The following MACF1 variants were observed in gnomAD, a reference collection of about 807,000 sequenced individuals.
MACF1 encodes the protein microtubule-actin cross-linking factor 1.
In MACF1, 193 loss-of-function variants were observed where a neutral mutation model predicts 854.8. That is an observed-to-expected ratio of 0.23 (90% CI 0.20 to 0.25). MACF1 has a LOEUF of 0.25. Among genes scored for constraint, MACF1 ranks in the 10% least tolerant of loss-of-function variants. The probability of loss-of-function intolerance (pLI) is 1.00; values close to 1 mark genes in which losing one functional copy is unlikely to be tolerated. For missense variants in MACF1, 7,722 were observed against 8,929.1 expected (o/e 0.86, Z 5.45); for synonymous variants, 3,185 against 3,226.7 (o/e 0.99, Z 0.44).
At chr1:39,337,561 C>CCTT (rs1646835408) in intron 38 of MACF1, among the ~76,000 whole-genome samples, 1 of 46,488 alleles carries the variant, frequency 2.2e-5, no homozygotes, top group Non-Finnish European at 5.0e-5. Context: ...TAATTACTAC[C>CCTT]ATTTTTTTTT....
intron 97 of MACF1, among the ~76,000 whole-genome samples, chr1:39,470,816 C>T (rs981543727): frequency 2.6e-5 from 4 of 152,074 alleles, no homozygotes; most frequent in Admixed American, 6.5e-5. Flanking sequence ...TTTTTCCTGT[C>T]ATGTATGATC....
intron 6 of MACF1, among the ~76,000 whole-genome samples, chr1:39,280,779 T>C (rs1645528250): frequency 6.6e-6 from 1 of 152,008 alleles, no homozygotes; most frequent in Admixed American, 6.5e-5. Flanking sequence ...GGTTTCACCA[T>C]GTCGGCCAGG....
rs533953311 is a variant in MACF1, at chr1:39,471,356, G to C, written c.21958+1741G>C. 1.3e-4 allele frequency among the ~76,000 whole-genome samples: 20 copies of C among 152,274 alleles called. 1 individual carries two copies. In the South Asian group the frequency reaches 1.7e-3, roughly 13 times the overall value. On this transcript the variant is annotated intron_variant, in intron 97 of 100. Transcript: ENST00000564288. ...GTGGCTTCTGGAAACAGTGCTTATGGTAGGTTTTGTACTCATTTATGTTGC... is the reference window on the plus strand; with the variant it reads ...GTGGCTTCTGGAAACAGTGCTTATGCTAGGTTTTGTACTCATTTATGTTGC...
chr1:39,228,797 G>C (rs1644746352), intron 1 of MACF1, among the ~76,000 whole-genome samples: 3 of 152,178 alleles, frequency 2.0e-5, no homozygotes, highest in Non-Finnish European at 4.4e-5. Flanking sequence ...GGGATTGCAG[G>C]CATGCGCCAC....
chr1:39,413,271 C>G (rs1185481701), intron 58 of MACF1: 31 of 1,605,856 alleles, frequency 1.9e-5, no homozygotes, highest in Non-Finnish European at 2.6e-5. Flanking sequence ...AGCCCGCCTC[C>G]CCAGCTGCTG....
intron 20 of MACF1, among the ~76,000 whole-genome samples, chr1:39,297,009 C>T (rs892222631): frequency 1.3e-5 from 2 of 151,772 alleles, no homozygotes; most frequent in African/African-American, 2.4e-5. Context: ...CTGCAAACTC[C>T]GCCTCCCAGG....
intron 2 of MACF1, among the ~76,000 whole-genome samples, chr1:39,235,148 G>A (rs1336761160): frequency 6.6e-6 from 1 of 152,242 alleles, no homozygotes; most frequent in East Asian, 1.9e-4. Flanking sequence ...GGGAGGCCAA[G>A]GCAGGCGGCT....
intron 6 of MACF1, among the ~76,000 whole-genome samples, chr1:39,280,261 A>G (rs768065527): frequency 3.9e-5 from 6 of 152,112 alleles, no homozygotes; most frequent in Non-Finnish European, 8.8e-5. Context: ...TCATTCATAA[A>G]CCAAGTTATT....
At chr1:39,253,507 G>GTTTT (rs1375011240) in intron 4 of MACF1, among the ~76,000 whole-genome samples, 1 of 93,970 alleles carries the variant, frequency 1.1e-5, no homozygotes, top group African/African-American at 3.4e-5. Flanking sequence ...TCAGCTATCT[G>GTTTT]TATTTTTTTT....
intron 2 of MACF1, among the ~76,000 whole-genome samples, chr1:39,248,609 A>G (rs1242043573): frequency 1.3e-5 from 2 of 148,576 alleles, no homozygotes; most frequent in Admixed American, 6.7e-5. Context: ...ACTCAAAATT[A>G]TAGTAACTAA....
In MACF1 at chr1:39,285,705, T is replaced by A. The variant is rs1330173900; in HGVS notation, c.1455T>A (p.Asp485Glu). ...GTCTCATCAGGCAGCTGCAGGTGGA[T>A]CTCCAGATCCTGCGGGATGAGAATT... ...CEGLIRQLQV[D>E]LQILRDENYY... The change falls in exon 14 of 101, where the codon GAT (aspartate) becomes GAA (glutamate). Residue 485 changes from aspartate (D) to glutamate (E), a missense_variant. Asp to Glu is a conservative substitution (Grantham distance 45). Coordinates refer to ENST00000564288, the MANE Select transcript of MACF1 (RefSeq NM_001394062.1). 5.0e-6 allele frequency: 8 copies of A among 1,614,084 alleles called. No homozygotes were observed. The highest frequency in any genetic ancestry group is 5.9e-6 in the Non-Finnish European group (7 of 1,180,006).
At chr1:39,412,830 G>A (rs770679544) in intron 58 of MACF1, 1 of 1,612,362 alleles carries the variant, frequency 6.2e-7, no homozygotes, top group South Asian at 1.1e-5. Flanking sequence ...CCAGCCCAGA[G>A]GAGGGTACCT....
chr1:39,426,909 G>A (rs1643747380), intron 61 of MACF1, among the ~76,000 whole-genome samples: 2 of 152,044 alleles, frequency 1.3e-5, no homozygotes, highest in African/African-American at 4.8e-5. Context: ...AAGCCTGACT[G>A]GATTTTGGGG....
At position 39,461,949 on chromosome 1, in the gene MACF1, A is replaced by G; in HGVS notation, c.21590A>G (p.Tyr7197Cys). ...ADIFDRDGDG[Y>C]IDYYEFVAAL... ...ATTTTCGACCGAGATGGGGATGGTT[A>G]CATTGATTATTATGAATTTGTGGCT... Residue 7197 changes from tyrosine to cysteine, a missense_variant, in exon 93 of 101, where the codon TAC becomes TGC. Physicochemically the swap from Tyr to Cys is radical, Grantham distance 194 (BLOSUM62 -2). This residue lies in a region of MACF1 where 153 missense variants were observed against 342.5 expected (regional missense o/e 0.45). Transcript: ENST00000564288. The G allele has an allele frequency of 6.2e-7, 1 of 1,614,082 alleles. No homozygotes were observed. Among genetic ancestry groups the G allele is most frequent in the South Asian group, 1.1e-5 (1 of 91,060 alleles).
In MACF1 at chr1:39,177,773, C is replaced by T. The variant is rs547330092; in HGVS notation, c.221-53409C>T. ...TTTCCTTTGCCATCTATACCAGAAG[C>T]TGTGGTGAATGGGAAAGCCATTGCT... On this transcript the variant is annotated intron_variant, in intron 2 of 93. Transcript: ENST00000361689. 1.6e-3 allele frequency among the ~76,000 whole-genome samples: 245 copies of T among 152,170 alleles called. 1 individual carries two copies. The highest frequency in any genetic ancestry group is 5.7e-3 in the African/African-American group (236 of 41,548).
rs1196697991 is a variant in MACF1 at position 39,105,770 on chromosome 1, C to T, written c.220+21332C>T. The T allele has an allele frequency of 1.9e-6, 2 of 1,056,056 alleles. No homozygotes were observed. The highest frequency in any genetic ancestry group is 3.4e-5 in the African/African-American group (2 of 58,684). 65.4% of individuals were successfully genotyped at this position (1,056,056 alleles called of 1,614,324 possible). ...GGCCCGCGGGCCGGCGCAGCGTGGC[C>T]TTCGGAGCCGGTCGGCTCGGCGGCT... On this transcript the variant is annotated intron_variant, in intron 2 of 93. Coordinates refer to the MACF1 transcript ENST00000361689. The surrounding 1 kb of genome is among the most constrained non-coding windows in gnomAD (Gnocchi z 5.9).
At chr1:39,206,198 G>T (rs1423856825) in intron 1 of MACF1, among the ~76,000 whole-genome samples, 1 of 152,200 alleles carries the variant, frequency 6.6e-6, no homozygotes, top group African/African-American at 2.4e-5. Flanking sequence ...TAAATATTCA[G>T]ATCCTAGTGT....
At chr1:39,246,526 GAGACAAA>G (rs1644982274) in intron 2 of MACF1, among the ~76,000 whole-genome samples, 1 of 151,922 alleles carries the variant, frequency 6.6e-6, no homozygotes, top group African/African-American at 2.4e-5. Flanking sequence ...TTTTGTTTTT[GAGACAAA>G]GTTTCACTCC....
At chr1:39,151,814 G>A (rs1447890841) in intron 2 of MACF1, among the ~76,000 whole-genome samples, 1 of 152,132 alleles carries the variant, frequency 6.6e-6, no homozygotes, top group Non-Finnish European at 1.5e-5. Flanking sequence ...GAAAGAGACT[G>A]AGAGCTCTTC....
Sources: gnomAD v4.1 joint callset for allele counts (sites outside exome capture counted in the v4.1 genomes callset) on GRCh38, gnomAD v4.1.1 for gene constraint, gnomAD v4.1.1 regional missense constraint, Gnocchi (gnomAD v3.1) non-coding constraint, MANE v1.5 for transcripts, NCBI Gene and HGNC (gene_info 2026-07-23, HGNC 2026-07-21) for gene names.